The following ZMYM4 variants were observed in gnomAD, a reference collection of about 807,000 sequenced individuals.
The protein encoded by ZMYM4 is zinc finger MYM-type protein 4.
Under a neutral mutation model 183.2 loss-of-function variants are expected in ZMYM4, and 31 were observed. That is an observed-to-expected ratio of 0.17 (90% CI 0.13 to 0.23). The LOEUF (loss-of-function observed/expected upper bound fraction) is 0.23, where lower values mean the gene tolerates loss of function less well. Among genes scored for constraint, ZMYM4 ranks in the 10% least tolerant of loss-of-function variants. ZMYM4 has a pLI of 1.00. For missense variants in ZMYM4, 1,273 were observed against 1,840.3 expected (o/e 0.69, Z 5.64); for synonymous variants, 592 against 631.2 (o/e 0.94, Z 0.93).
chr1:35,366,672 C>T (rs1049821050), intron 5 of ZMYM4, among the ~76,000 whole-genome samples: 4 of 152,036 alleles, frequency 2.6e-5, no homozygotes, highest in African/African-American at 9.7e-5. Flanking sequence ...AATGAAGAGA[C>T]CATCTTTTTA....
chr1:35,397,264 G>A, intron 19 of ZMYM4, 113 bp from the exon 20 acceptor site: 1 of 1,237,206 alleles, frequency 8.1e-7, no homozygotes, highest in Non-Finnish European at 1.1e-6. Flanking sequence ...CATCAGCAAT[G>A]AATATACCTT....
intron 2 of ZMYM4, among the ~76,000 whole-genome samples, chr1:35,342,122 T>A (rs1161211351): frequency 6.6e-6 from 1 of 152,120 alleles, no homozygotes; most frequent in Non-Finnish European, 1.5e-5. Flanking sequence ...CTTGTGTCTG[T>A]TTTTGGTAGG....
chr1:35,341,136 AT>A (rs140716038), intron 2 of ZMYM4, among the ~76,000 whole-genome samples: 4,948 of 152,032 alleles, frequency 0.033, 261 homozygotes, highest in East Asian at 0.25. Context: ...TTGAAGGAGT[AT>A]TTTTAAATTA....
chr1:35,402,137 G>C, intron 23 of ZMYM4, among the ~76,000 whole-genome samples: 1 of 141,490 alleles, frequency 7.1e-6, no homozygotes, highest in Middle Eastern at 3.7e-3. Context: ...AAAAAAAAAA[G>C]GCTGCTAGAA....
At chr1:35,308,772 G>A (rs1436662873) in intron 1 of ZMYM4, among the ~76,000 whole-genome samples, 1 of 152,072 alleles carries the variant, frequency 6.6e-6, no homozygotes, top group African/African-American at 2.4e-5. Context: ...GAGGTGGGAG[G>A]TTTGCTTGAA....
chr1:35,382,031 G>T (rs566225372), intron 9 of ZMYM4, among the ~76,000 whole-genome samples: 4 of 151,660 alleles, frequency 2.6e-5, no homozygotes, highest in African/African-American at 9.7e-5. Context: ...TGTAATCCCA[G>T]CTACTCGGGA....
At chr1:35,369,784 T>G (rs1229625487) in intron 5 of ZMYM4, among the ~76,000 whole-genome samples, 1 of 151,960 alleles carries the variant, frequency 6.6e-6, no homozygotes, top group Non-Finnish European at 1.5e-5. Flanking sequence ...TCAAAAATAA[T>G]AAATACTTAG....
At chr1:35,343,239 G>C (rs1248552147) in intron 2 of ZMYM4, among the ~76,000 whole-genome samples, 3 of 152,060 alleles carry the variant, frequency 2.0e-5, no homozygotes, top group African/African-American at 7.2e-5. Context: ...TCTATGCTGT[G>C]TTCTAAGAAA....
intron 1 of ZMYM4, among the ~76,000 whole-genome samples, chr1:35,288,870 G>C (rs115383998): frequency 6.6e-6 from 1 of 152,100 alleles, no homozygotes; most frequent in Admixed American, 6.6e-5. Flanking sequence ...GGGAATATCA[G>C]TTCACTTTAG....
chr1:35,270,556 C>T (rs994825953), intron 1 of ZMYM4, among the ~76,000 whole-genome samples: 2 of 152,078 alleles, frequency 1.3e-5, no homozygotes, highest in Admixed American at 1.3e-4. Flanking sequence ...GCCAGGAGTT[C>T]GAGACCAGCC....
intron 1 of ZMYM4, among the ~76,000 whole-genome samples, chr1:35,311,604 CAAAA>C (rs1162823146): frequency 1.4e-5 from 2 of 144,138 alleles, no homozygotes; most frequent in South Asian, 4.4e-4. Context: ...GACTGTGTCT[CAAAA>C]AAAAAAGTCA....
chr1:35,381,370 T>C lies in ZMYM4; in HGVS notation c.1293T>C (p.Pro431=), dbSNP rs1644454654. The part of the protein sequence containing the change: ...CLSTYELKKK[P]IVTINTNSIS... Reference sequence around the variant, plus strand: ...CAACATATGAACTGAAAAAAAAACCTATTGTTACCATAAATACAAATAGTA... The same window carrying C: ...CAACATATGAACTGAAAAAAAAACCCATTGTTACCATAAATACAAATAGTA... The change falls in exon 8 of 30, where the codon CCT becomes CCC. Residue 431 remains proline, a synonymous_variant. Coordinates refer to ENST00000314607, the MANE Select transcript of ZMYM4 (RefSeq NM_005095.3). 1 of 1,612,694 alleles carries C rather than the reference T, an allele frequency of 6.2e-7. No homozygotes were observed. The highest frequency in any genetic ancestry group is 1.3e-5 in the African/African-American group (1 of 74,846).
At position 35,323,814 on chromosome 1, in the gene ZMYM4, A is replaced by G. The variant is rs575781042; in HGVS notation, c.40-1546A>G. ...CATGATCCACCCGTCTCGGCCTCCC[A>G]AAGTGCTGGGATTACAGGCGTGAGT... is the stretch of plus-strand genomic sequence containing the variant. On this transcript the variant is annotated intron_variant, in intron 1 of 29. Coordinates refer to ENST00000314607, the MANE Select transcript of ZMYM4 (RefSeq NM_005095.3). Among the ~76,000 whole-genome samples the G allele has an allele frequency of 8.6e-5, 13 of 151,786 alleles. No individual in the cohort carries two copies. The South Asian group carries it at 1.0e-3, about 12-fold the overall frequency.
intron 17 of ZMYM4, 108 bp downstream of exon 17, chr1:35,392,792 G>T (rs974036440): frequency 2.5e-5 from 18 of 734,432 alleles, no homozygotes; most frequent in Middle Eastern, 7.2e-4. Flanking sequence ...ATATGAAATA[G>T]ATTTCATTAG....
chr1:35,375,123 T>C (rs1196512281), intron 7 of ZMYM4, among the ~76,000 whole-genome samples: 1 of 152,164 alleles, frequency 6.6e-6, no homozygotes, highest in Non-Finnish European at 1.5e-5. Flanking sequence ...CTTATCTCCT[T>C]AGCCTTTTCT....
intron 7 of ZMYM4, among the ~76,000 whole-genome samples, chr1:35,379,350 C>T (rs981280433): frequency 1.5e-4 from 23 of 152,224 alleles, no homozygotes; most frequent in African/African-American, 5.5e-4. Flanking sequence ...CCACCCACCT[C>T]GACCTCCCAA....
intron 2 of ZMYM4, among the ~76,000 whole-genome samples, chr1:35,345,052 A>G (rs932928995): frequency 3.1e-4 from 47 of 152,270 alleles, no homozygotes; most frequent in African/African-American, 1.1e-3. Context: ...CTGCATCATC[A>G]TGGAAATGTT....
rs143090564 is a variant in ZMYM4 at position 35,369,337 on chromosome 1, T to C, written c.841-692T>C. Among the ~76,000 whole-genome samples the C allele has an allele frequency of 8.5e-5, 13 of 152,296 alleles. 2 individuals carry two copies. The highest frequency in any genetic ancestry group is 2.6e-4 in the African/African-American group (11 of 41,572). On this transcript the variant is annotated intron_variant, in intron 5 of 29. Transcript: ENST00000314607. ...TTACTCATGACTTAAAATACGTGTA[T>C]ATGCACATAGAAATCATTGAAATAA... is the stretch of plus-strand genomic sequence containing the variant.
rs1162931256 is a variant in ZMYM4, at chr1:35,395,621, T to TA, written c.2912-924dup. On this transcript the variant is annotated intron_variant, in intron 18 of 29. Transcript: ENST00000314607. ...TTATAATGTTGTACCCATCATATGT[T>TA]AAAAAAATCATGAGTCAGAAATGCA... is the stretch of plus-strand genomic sequence containing the variant. Among the ~76,000 whole-genome samples the TA allele has an allele frequency of 3.3e-5, 5 of 152,176 alleles. 1 individual carries two copies. The highest frequency in any genetic ancestry group is 2.1e-4 in the South Asian group (1 of 4,830).
Sources: allele counts gnomAD v4.1 joint callset (sites outside exome capture counted in the v4.1 genomes callset), GRCh38; gene constraint gnomAD v4.1.1; transcripts MANE v1.5; gene names NCBI Gene and HGNC (gene_info 2026-07-23, HGNC 2026-07-21).